The following CMSS1 variants were observed in gnomAD, a reference collection of about 807,000 sequenced individuals.
CMSS1 encodes cms1 ribosomal small subunit homolog.
A neutral mutation model predicts 43.5 loss-of-function variants in CMSS1; 33 were observed. That is an observed-to-expected ratio of 0.76 (90% CI 0.57 to 1.01). The LOEUF is 1.01. Among genes scored for constraint, CMSS1 ranks in the 50% least tolerant of loss-of-function variants. The pLI is 0.00. For missense variants in CMSS1, 313 were observed against 326.4 expected (o/e 0.96, Z 0.32); for synonymous variants, 115 against 117.2 (o/e 0.98, Z 0.12).
chr3:99,853,014 G>C (rs1943780159), intron 1 of CMSS1, among the ~76,000 whole-genome samples: 2 of 152,186 alleles, frequency 1.3e-5, no homozygotes, highest in Admixed American at 1.3e-4. Flanking sequence ...GGGTGTCGTT[G>C]ATGATGATCT....
chr3:100,112,002 T>C (rs1254386084), intron 1 of CMSS1, among the ~76,000 whole-genome samples: 1 of 152,222 alleles, frequency 6.6e-6, no homozygotes, highest in Non-Finnish European at 1.5e-5. Flanking sequence ...CCTCATTCAC[T>C]GTTATAATCC....
chr3:99,889,687 C>G (rs1434775252), intron 1 of CMSS1, among the ~76,000 whole-genome samples: 1 of 151,910 alleles, frequency 6.6e-6, no homozygotes, highest in Non-Finnish European at 1.5e-5. Context: ...TCCTCTCTCT[C>G]TCTACCTTGT....
At chr3:99,939,096 A>G (rs961152464) in intron 1 of CMSS1, among the ~76,000 whole-genome samples, 1 of 152,250 alleles carries the variant, frequency 6.6e-6, no homozygotes, top group East Asian at 1.9e-4. Flanking sequence ...ATTCAGGTTC[A>G]TATTCCCAAG....
Position 100,062,108 on chromosome 3 carries a change from T to C in CMSS1, c.65-84865T>C, listed in dbSNP as rs1279757269. On this transcript the variant is annotated intron_variant, in intron 1 of 9. Transcript: ENST00000421999. Reference sequence around the variant, plus strand: ...CTGTCTTCTTCTTTTTTTTTTTTTTTTTTTTTTTTTTTTTTTTTTTTGAGA... The same window carrying C: ...CTGTCTTCTTCTTTTTTTTTTTTTTCTTTTTTTTTTTTTTTTTTTTTGAGA... Among the ~76,000 whole-genome samples, 230 of 68,826 alleles carry C rather than the reference T, an allele frequency of 3.3e-3. 3 individuals carry two copies. The highest frequency in any genetic ancestry group is 0.01 in the African/African-American group (214 of 21,006). The allele number at this position is 68,826 out of a possible 152,430, so 45.2% of individuals were successfully genotyped here. A position where few individuals can be genotyped will look rare whatever the true frequency, so the allele number is the denominator to read the frequency against.
intron 1 of CMSS1, among the ~76,000 whole-genome samples, chr3:100,035,445 G>A (rs879627339): frequency 3.3e-5 from 5 of 152,026 alleles, no homozygotes; most frequent in Non-Finnish European, 5.9e-5. Context: ...AGCTAATTTG[G>A]TATTTTTAGT....
chr3:99,894,765 CTG>C (rs1324810892), intron 1 of CMSS1, among the ~76,000 whole-genome samples: 4 of 152,122 alleles, frequency 2.6e-5, no homozygotes, highest in African/African-American at 9.7e-5. Flanking sequence ...ATTTAGGTAA[CTG>C]TGATAGTATG....
intron 1 of CMSS1, among the ~76,000 whole-genome samples, chr3:100,089,104 A>G (rs1011171522): frequency 6.6e-6 from 1 of 152,202 alleles, no homozygotes; most frequent in African/African-American, 2.4e-5. Flanking sequence ...TTTCCCTACC[A>G]GTAAAGTATC....
At chr3:100,102,144 G>T (rs200055653) in intron 1 of CMSS1, among the ~76,000 whole-genome samples, 1 of 152,138 alleles carries the variant, frequency 6.6e-6, no homozygotes, top group Non-Finnish European at 1.5e-5. Context: ...CCAGTAATGG[G>T]ATTGCTGGGT....
intron 1 of CMSS1, among the ~76,000 whole-genome samples, chr3:99,973,312 C>T (rs1366023944): frequency 4.6e-5 from 7 of 152,124 alleles, no homozygotes; most frequent in Non-Finnish European, 1.5e-5. Context: ...GTTATAAGAA[C>T]ACTGATTTTC....
chr3:100,010,256 A>C, intron 1 of CMSS1: 1 of 356,910 alleles, frequency 2.8e-6, no homozygotes, highest in Non-Finnish European at 3.9e-6. Context: ...TCCCCCCACA[A>C]CATTGTCCTT....
chr3:99,982,648 C>T (rs1709161812), intron 1 of CMSS1, among the ~76,000 whole-genome samples: 1 of 152,086 alleles, frequency 6.6e-6, no homozygotes, highest in South Asian at 2.1e-4. Flanking sequence ...CTGGCCCATT[C>T]AGCTAACTTT....
chr3:99,950,741 C>A (rs1708151980), intron 1 of CMSS1, among the ~76,000 whole-genome samples: 1 of 152,118 alleles, frequency 6.6e-6, no homozygotes, highest in Non-Finnish European at 1.5e-5. Flanking sequence ...GTGTTAAATT[C>A]TTTGTTATGT....
intron 1 of CMSS1, among the ~76,000 whole-genome samples, chr3:99,936,235 A>G (rs1452392187): frequency 1.3e-5 from 2 of 152,046 alleles, no homozygotes; most frequent in Admixed American, 1.3e-4. Context: ...AAACTACTCC[A>G]ATTTAGAGAA....
At chr3:99,890,616 T>G (rs1282167848) in intron 1 of CMSS1, among the ~76,000 whole-genome samples, 2 of 152,162 alleles carry the variant, frequency 1.3e-5, no homozygotes, top group African/African-American at 4.8e-5. Context: ...CTAATTCTCA[T>G]TCCTTGATCT....
chr3:100,113,876 T>C (rs995384169), intron 1 of CMSS1, among the ~76,000 whole-genome samples: 4 of 152,210 alleles, frequency 2.6e-5, no homozygotes, highest in African/African-American at 9.7e-5. Flanking sequence ...AAGCAACTCT[T>C]AGTCATTTTA....
chr3:99,926,362 A>C (rs952936183), intron 1 of CMSS1, among the ~76,000 whole-genome samples: 1 of 152,220 alleles, frequency 6.6e-6, no homozygotes, highest in Non-Finnish European at 1.5e-5. Context: ...GCTATGTTGT[A>C]TTGCCTGCTG....
intron 1 of CMSS1, among the ~76,000 whole-genome samples, chr3:100,057,494 C>T (rs2065485265): frequency 6.6e-6 from 1 of 152,186 alleles, no homozygotes; most frequent in Non-Finnish European, 1.5e-5. Context: ...ATTACATGTT[C>T]TTGGGTAACA....
At chr3:99,818,614 C>A (rs1487982688) in intron 1 of CMSS1, among the ~76,000 whole-genome samples, 1 of 152,186 alleles carries the variant, frequency 6.6e-6, no homozygotes, top group African/African-American at 2.4e-5. Context: ...TGGTCATCAT[C>A]ATTATCATGG....
rs1021677480 is a variant in CMSS1, at chr3:100,137,520, C to T, written c.65-9453C>T. Among the ~76,000 whole-genome samples, 12 of 150,154 alleles carry T rather than the reference C, an allele frequency of 8.0e-5. 1 individual carries two copies. Among genetic ancestry groups the T allele is most frequent in the African/African-American group, 1.7e-4 (7 of 40,970 alleles). ...GGAAGATGTTAATATACATACACCC[C>T]AATAATTGATAGATAAAAGAGATTA... On this transcript the variant is annotated intron_variant, in intron 1 of 9. Coordinates refer to ENST00000421999, the MANE Select transcript of CMSS1 (RefSeq NM_032359.4).
Sources: allele counts gnomAD v4.1 joint callset (sites outside exome capture counted in the v4.1 genomes callset), GRCh38; gene constraint gnomAD v4.1.1; transcripts MANE v1.5; gene names NCBI Gene and HGNC (gene_info 2026-07-23, HGNC 2026-07-21).